The following NRXN3 variants were observed in gnomAD, a reference collection of about 807,000 sequenced individuals.
The protein encoded by NRXN3 is neurexin 3, also known as neurexin III.
NRXN3 carries 32 observed loss-of-function variants against 137.6 expected under a neutral mutation model. The ratio of observed to expected loss-of-function variants is 0.23; its 90% CI spans 0.18 to 0.31. NRXN3 has a LOEUF of 0.31. Ranked by LOEUF, NRXN3 falls within the 10% of genes least tolerant of loss-of-function variation. NRXN3 has a pLI of 1.00. For missense variants in NRXN3, 1,574 were observed against 2,062.5 expected (o/e 0.76, Z 4.59); for synonymous variants, 798 against 784.5 (o/e 1.02, Z -0.29).
intron 15 of NRXN3, among the ~76,000 whole-genome samples, chr14:79,263,853 A>G (rs996886071): frequency 1.3e-5 from 2 of 152,118 alleles, no homozygotes; most frequent in Non-Finnish European, 2.9e-5. Flanking sequence ...CTGTGGTGTA[A>G]ATGACACCAC....
intron 19 of NRXN3, among the ~76,000 whole-genome samples, chr14:79,770,934 A>G (rs952030951): frequency 4.6e-5 from 7 of 152,212 alleles, no homozygotes; most frequent in African/African-American, 1.4e-4. Context: ...AAAAAATGAT[A>G]AAGAAGATAT....
At chr14:78,808,498 G>T (rs1224484880) in intron 9 of NRXN3, among the ~76,000 whole-genome samples, 1 of 151,960 alleles carries the variant, frequency 6.6e-6, no homozygotes, top group East Asian at 1.9e-4. Flanking sequence ...TCCAGCTTTG[G>T]GTGATGGTAG....
intron 16 of NRXN3, among the ~76,000 whole-genome samples, chr14:79,557,570 C>T (rs2097443159): frequency 6.6e-6 from 1 of 152,072 alleles, no homozygotes; most frequent in East Asian, 1.9e-4. Context: ...TTTACGTTGA[C>T]ATTCTACTGT....
intron 17 of NRXN3, among the ~76,000 whole-genome samples, chr14:79,673,577 A>G (rs960541338): frequency 1.3e-5 from 2 of 152,056 alleles, no homozygotes; most frequent in East Asian, 1.9e-4. Flanking sequence ...GTATTCCCCT[A>G]TCCTCATCAC....
intron 1 of NRXN3, among the ~76,000 whole-genome samples, chr14:78,190,756 C>T (rs896634111): frequency 1.3e-5 from 2 of 152,136 alleles, no homozygotes; most frequent in Non-Finnish European, 2.9e-5. Flanking sequence ...TCACTGCAAC[C>T]TCTGCCTCCC....
At chr14:78,803,549 T>A (rs553075165) in intron 8 of NRXN3, 71 bp from the exon 9 acceptor site, 8 of 1,449,182 alleles carry the variant, frequency 5.5e-6, no homozygotes, top group Non-Finnish European at 7.7e-6. Context: ...TCGCTTAGCC[T>A]GAAAGCAAAG....
intron 15 of NRXN3, among the ~76,000 whole-genome samples, chr14:79,006,462 A>G (rs1159052076): frequency 6.6e-6 from 1 of 152,204 alleles, no homozygotes; most frequent in African/African-American, 2.4e-5. Flanking sequence ...ACAGCCAATT[A>G]TAGTAGTCAA....
intron 10 of NRXN3, among the ~76,000 whole-genome samples, chr14:78,888,442 G>C (rs112996951): frequency 4.6e-5 from 7 of 151,824 alleles, no homozygotes; most frequent in African/African-American, 1.7e-4. Context: ...TGGTTTGTTA[G>C]GGGGTAGTGT....
chr14:78,621,406 C>T (rs1032925778), intron 4 of NRXN3, among the ~76,000 whole-genome samples: 3 of 152,148 alleles, frequency 2.0e-5, no homozygotes, highest in Admixed American at 1.3e-4. Context: ...CCTATTCTAT[C>T]GGATCAAATC....
intron 4 of NRXN3, among the ~76,000 whole-genome samples, chr14:78,505,992 G>A (rs1263499533): frequency 2.0e-5 from 3 of 151,996 alleles, no homozygotes; most frequent in East Asian, 1.9e-4. Flanking sequence ...TGGGTAAGAC[G>A]CTTAACCTGT....
At chr14:78,217,200 T>C (rs1596001314) in intron 1 of NRXN3, among the ~76,000 whole-genome samples, 1 of 152,354 alleles carries the variant, frequency 6.6e-6, no homozygotes, top group East Asian at 1.9e-4. Context: ...TATAAATGTA[T>C]GAGACTCAGA....
intron 15 of NRXN3, among the ~76,000 whole-genome samples, chr14:79,102,158 G>T (rs1409672676): frequency 6.6e-6 from 1 of 152,104 alleles, no homozygotes; most frequent in Non-Finnish European, 1.5e-5. Flanking sequence ...CACCCAGTTT[G>T]TTATGGCAAA....
At chr14:79,829,092 C>T (rs1161218643) in intron 20 of NRXN3, among the ~76,000 whole-genome samples, 1 of 152,140 alleles carries the variant, frequency 6.6e-6, no homozygotes, top group Non-Finnish European at 1.5e-5. Context: ...AGTTGCCAAT[C>T]ATTTACCAGT....
intron 15 of NRXN3, among the ~76,000 whole-genome samples, chr14:79,203,868 A>G (rs368157979): frequency 2.2e-4 from 33 of 152,292 alleles, no homozygotes; most frequent in Admixed American, 1.2e-3. Flanking sequence ...CATTTGGCCA[A>G]TGGAGTGTTG....
chr14:79,033,496 C>T (rs1348615412), intron 15 of NRXN3, among the ~76,000 whole-genome samples: 1 of 152,000 alleles, frequency 6.6e-6, no homozygotes, highest in East Asian at 1.9e-4. Flanking sequence ...CTGGTATCTT[C>T]CAGATGTTCA....
chr14:79,538,561 C>T (rs901529425), intron 16 of NRXN3, among the ~76,000 whole-genome samples: 3 of 152,146 alleles, frequency 2.0e-5, no homozygotes, highest in African/African-American at 4.8e-5. Flanking sequence ...AATAGGGAAT[C>T]GTTTCCCCAC....
chr14:78,526,695 A>C (rs1164855014), intron 4 of NRXN3: 2 of 507,396 alleles, frequency 3.9e-6, no homozygotes, highest in Non-Finnish European at 7.8e-6. Context: ...TAGGGTAAGC[A>C]CTTTCGTGCA....
chr14:79,841,725 A>C (rs1158488337), intron 20 of NRXN3, among the ~76,000 whole-genome samples: 1 of 152,218 alleles, frequency 6.6e-6, no homozygotes, highest in African/African-American at 2.4e-5. Flanking sequence ...TTTTATCTTT[A>C]GCCTACACAA....
intron 15 of NRXN3, among the ~76,000 whole-genome samples, chr14:79,169,946 T>C (rs529844386): frequency 3.3e-5 from 5 of 152,218 alleles, no homozygotes; most frequent in East Asian, 1.9e-4. Flanking sequence ...TTGGTTAGAA[T>C]TGGCTTAACA....
Sources: gnomAD v4.1 joint callset for allele counts (sites outside exome capture counted in the v4.1 genomes callset) on GRCh38, gnomAD v4.1.1 for gene constraint, MANE v1.5 for transcripts, NCBI Gene and HGNC (gene_info 2026-07-23, HGNC 2026-07-21) for gene names.